Variants in LMF1 observed in about 807,000 individuals in gnomAD.
LMF1 encodes the protein lipase maturation factor 1, also known as transmembrane protein 112.
A neutral mutation model predicts 60.6 loss-of-function variants in LMF1; 68 were observed. That is an observed-to-expected ratio of 1.12 (90% CI 0.92 to 1.37). The LOEUF (loss-of-function observed/expected upper bound fraction) is 1.37, where lower values mean the gene tolerates loss of function less well. LMF1 is among the 40% of genes most tolerant of loss of function. The pLI, the probability that LMF1 is intolerant of heterozygous loss-of-function variation, is 0.00. For missense variants in LMF1, 948 were observed against 767.2 expected, an observed-to-expected ratio of 1.24 and a Z score of -2.78; for synonymous variants, 418 against 324.7, an observed-to-expected ratio of 1.29 and a Z score of -3.09.
intron 3 of LMF1, chr16:933,833 C>A (rs1032469934): frequency 4.7e-6 from 3 of 632,086 alleles, no homozygotes; most frequent in Non-Finnish European, 7.0e-6. Flanking sequence ...CTCCGGTCCC[C>A]TCCACCAAAC....
At chr16:919,294 G>A (rs1435599240) in intron 3 of LMF1, among the ~76,000 whole-genome samples, 1 of 152,170 alleles carries the variant, frequency 6.6e-6, no homozygotes, top group Non-Finnish European at 1.5e-5. Context: ...GGGAAGGAAC[G>A]TGGGGGTTGG....
chr16:860,415 C>A (rs931294704), intron 10 of LMF1, among the ~76,000 whole-genome samples: 1 of 151,532 alleles, frequency 6.6e-6, no homozygotes, highest in African/African-American at 2.4e-5. Context: ...TCTCGGCTCA[C>A]TGCAACCTCT....
chr16:912,820 C>T (rs528868194), intron 3 of LMF1, among the ~76,000 whole-genome samples: 2 of 152,354 alleles, frequency 1.3e-5, no homozygotes, highest in South Asian at 4.1e-4. Context: ...AGCAGCTGCG[C>T]GGCGTGCACA....
At chr16:867,565 C>T (rs942404066) in intron 10 of LMF1, among the ~76,000 whole-genome samples, 1 of 152,206 alleles carries the variant, frequency 6.6e-6, no homozygotes, top group Non-Finnish European at 1.5e-5. Flanking sequence ...GGGGAACGGC[C>T]GCCTGTCCGG....
intron 2 of LMF1, among the ~76,000 whole-genome samples, chr16:948,627 G>A (rs1286075880): frequency 6.6e-6 from 1 of 150,992 alleles, no homozygotes; most frequent in Non-Finnish European, 1.5e-5. Context: ...GTCAGCCAAC[G>A]ACAGAATCAG....
At chr16:979,133 T>A in intron 1 of LMF1, 1 of 451,376 alleles carries the variant, frequency 2.2e-6, no homozygotes, top group Non-Finnish European at 4.5e-6. Flanking sequence ...AAGTGCTTAA[T>A]TAATACCTGG....
At chr16:907,061 G>A (rs1338778116) in intron 4 of LMF1, among the ~76,000 whole-genome samples, 1 of 152,134 alleles carries the variant, frequency 6.6e-6, no homozygotes, top group Admixed American at 6.5e-5. Flanking sequence ...TATTATAAAT[G>A]CTATACTTAA....
intron 4 of LMF1, among the ~76,000 whole-genome samples, chr16:909,192 T>C (rs995814775): frequency 2.6e-5 from 4 of 152,192 alleles, no homozygotes; most frequent in Non-Finnish European, 5.9e-5. Context: ...CTGACGTTTC[T>C]GCAGCACTGG....
chr16:881,034 C>T (rs931992862), intron 5 of LMF1, among the ~76,000 whole-genome samples: 2 of 152,202 alleles, frequency 1.3e-5, no homozygotes, highest in Non-Finnish European at 1.5e-5. Flanking sequence ...GGCCCCCAGA[C>T]GCTTCAGAAT....
intron 2 of LMF1, 48 bp from the exon 3 acceptor site, chr16:934,302 ACCAAAAAC>A: frequency 6.3e-7 from 1 of 1,597,782 alleles, no homozygotes; most frequent in Non-Finnish European, 8.5e-7. Context: ...GCTTGTTTCA[ACCAAAAAC>A]CCACTGTTTC....
intron 1 of LMF1, among the ~76,000 whole-genome samples, chr16:978,389 G>A (rs148825777): frequency 3.7e-4 from 56 of 151,952 alleles, no homozygotes; most frequent in South Asian, 6.2e-4. Context: ...CTCCGGGGTC[G>A]CCATCCCTAG....
intron 2 of LMF1, chr16:947,592 G>A (rs1255728524): frequency 4.4e-6 from 2 of 455,992 alleles, no homozygotes; most frequent in Non-Finnish European, 8.8e-6. Context: ...GCCACAGGAA[G>A]GAGGACCCCT....
At chr16:976,116 T>G (rs375922789) in intron 1 of LMF1, 15 of 360,894 alleles carry the variant, frequency 4.2e-5, no homozygotes, top group African/African-American at 1.1e-4. Flanking sequence ...AGTCCTCTCC[T>G]GCTGATGGGC....
intron 3 of LMF1, among the ~76,000 whole-genome samples, chr16:930,316 G>A (rs12719815): frequency 0.4 from 60,956 of 151,844 alleles, 13,235 homozygotes; most frequent in African/African-American, 0.56. Flanking sequence ...AGGCGAGCTC[G>A]CTGGAGGGGC....
Position 877,117 on chromosome 16 carries a change from G to A in LMF1, c.897+2453C>T, listed in dbSNP as rs551220120. Among the ~76,000 whole-genome samples the A allele has an allele frequency of 3.3e-5, 5 of 152,290 alleles. No individual in the cohort carries two copies. In the South Asian group the frequency reaches 1.0e-3, roughly 32 times the overall value. On this transcript the variant is annotated intron_variant, in intron 6 of 10. Coordinates refer to ENST00000262301, the MANE Select transcript of LMF1 (RefSeq NM_022773.4). ...GAGGTCAGGCAGGAGGAGTGCTCGA[G>A]CCCTGGAGTTCAAAACCAGACTGGG...
intron 2 of LMF1, among the ~76,000 whole-genome samples, chr16:952,108 C>A (rs2072487148): frequency 1.3e-5 from 2 of 152,202 alleles, no homozygotes; most frequent in Admixed American, 1.3e-4. Flanking sequence ...GTTGTGGGTG[C>A]CCAAGGCATC....
chr16:925,550 C>A (rs1235424137), intron 3 of LMF1, among the ~76,000 whole-genome samples: 1 of 152,064 alleles, frequency 6.6e-6, no homozygotes, highest in Non-Finnish European at 1.5e-5. Flanking sequence ...GACAACATAG[C>A]AAGACCCTGT....
rs375529211 is a variant in LMF1 at position 954,432 on chromosome 16, G to A, written c.428C>T (p.Thr143Met). 145 of 1,612,982 alleles carry A rather than the reference G, an allele frequency of 9.0e-5. No individual in the cohort carries two copies. The highest frequency in any genetic ancestry group is 4.9e-4 in the East Asian group (22 of 44,860). Residue 143 changes from threonine to methionine, a missense_variant, in exon 2 of 11, where the codon ACG becomes ATG. Physicochemically the swap from Thr to Met is moderately conservative, Grantham distance 81 (BLOSUM62 -1). Transcript: ENST00000262301. ...CATGAGAAGCATGTTGGCGCAGCCC[G>A]TGATCAGTACGAAAGACGAGATGCC... ...GLGISSFVLI[T>M]GCANMLLMAA...
chr16:868,041 G>T (rs2069662372), intron 10 of LMF1, among the ~76,000 whole-genome samples: 1 of 152,146 alleles, frequency 6.6e-6, no homozygotes, highest in African/African-American at 2.4e-5. Flanking sequence ...GCGGCTGATG[G>T]CGCAGGGGAG....
Sources: allele counts gnomAD v4.1 joint callset (sites outside exome capture counted in the v4.1 genomes callset), GRCh38; gene constraint gnomAD v4.1.1; transcripts MANE v1.5; gene names NCBI Gene and HGNC (gene_info 2026-07-23, HGNC 2026-07-21).